The following MRPS9 variants were observed in gnomAD, a reference collection of about 807,000 sequenced individuals.
MRPS9 encodes mitochondrial ribosomal protein S9.
A neutral mutation model predicts 59.9 loss-of-function variants in MRPS9; 45 were observed. That is an observed-to-expected ratio of 0.75 (90% CI 0.59 to 0.96). The LOEUF (loss-of-function observed/expected upper bound fraction) is 0.96, where lower values mean the gene tolerates loss of function less well. MRPS9 is among the 40% of genes least tolerant of loss of function. The probability of loss-of-function intolerance (pLI) is 0.00; values close to 1 mark genes in which losing one functional copy is unlikely to be tolerated. For missense variants in MRPS9, 473 were observed against 481.1 expected (o/e 0.98, Z 0.16); for synonymous variants, 171 against 166.8 (o/e 1.03, Z -0.19).
At chr2:105,043,544 A>G (rs184220651) in intron 1 of MRPS9, among the ~76,000 whole-genome samples, 58 of 152,292 alleles carry the variant, frequency 3.8e-4, no homozygotes, top group Admixed American at 3.0e-3. Context: ...TTGAACCTGC[A>G]TGGATAACTT....
intron 4 of MRPS9, among the ~76,000 whole-genome samples, chr2:105,079,461 G>A (rs1446031129): frequency 6.6e-6 from 1 of 152,028 alleles, no homozygotes; most frequent in Non-Finnish European, 1.5e-5. Flanking sequence ...ACCTTTTTGA[G>A]GCTTTTCTGT....
In MRPS9 at chr2:105,071,305, A is replaced by AT. The variant is rs1386088956; in HGVS notation, c.316-4dup. ...CAGTTGTTAACTAACCTTTGTGTAT[A>AT]TTTTCAGAGAGCTATTGCTTACCTT... On this transcript the variant is annotated splice_polypyrimidine_tract_variant and splice_region_variant and intron_variant, in intron 2 of 10. Transcript: ENST00000258455. 1 of 1,608,454 alleles carries AT rather than the reference A, an allele frequency of 6.2e-7. No homozygotes were observed.
intron 9 of MRPS9, among the ~76,000 whole-genome samples, chr2:105,095,903 C>A (rs761704267): frequency 3.5e-4 from 52 of 150,072 alleles, no homozygotes; most frequent in Non-Finnish European, 6.1e-4. Context: ...AGCTGCTGGG[C>A]TCAAGCAGTC....
chr2:105,058,161 G>A (rs1381873137), intron 2 of MRPS9, among the ~76,000 whole-genome samples: 1 of 152,174 alleles, frequency 6.6e-6, no homozygotes, highest in Non-Finnish European at 1.5e-5. Context: ...GTTAGGACAG[G>A]CATGTCTAAG....
At chr2:105,038,516 G>A in intron 1 of MRPS9, 2 of 415,570 alleles carry the variant, frequency 4.8e-6, no homozygotes, top group Non-Finnish European at 9.0e-6. Flanking sequence ...AAGGGTCGGT[G>A]CCTAGGTCTG....
chr2:105,092,455 G>T lies in MRPS9; in HGVS notation c.706G>T (p.Ala236Ser), dbSNP rs752945200. ...GTTATTGACATCGCAGTGTGGTGCT[G>T]CTGAGGAAGAATTTGTGCAGAGGTT... ...EKLLTSQCGA[A>S]EEEFVQRFRR... The change falls in exon 8 of 11, where the codon GCT becomes TCT. Residue 236 changes from alanine (A) to serine (S), a missense_variant. By Grantham distance (99) the Ala-to-Ser change is moderately conservative. Transcript: ENST00000258455. The T allele has an allele frequency of 1.9e-6, 3 of 1,613,792 alleles. No homozygotes were observed. Among genetic ancestry groups the T allele is most frequent in the Non-Finnish European group, 2.5e-6 (3 of 1,179,918 alleles).
intron 2 of MRPS9, among the ~76,000 whole-genome samples, 198 bp downstream of exon 2, chr2:105,049,548 G>A (rs930840150): frequency 6.6e-6 from 1 of 152,172 alleles, no homozygotes; most frequent in East Asian, 1.9e-4. Context: ...TGAGTTTTAG[G>A]TGTTACCTAG....
At chr2:105,048,238 A>T (rs1679633085) in intron 1 of MRPS9, among the ~76,000 whole-genome samples, 1 of 151,986 alleles carries the variant, frequency 6.6e-6, no homozygotes, top group South Asian at 2.1e-4. Flanking sequence ...CATTCTCAGT[A>T]AACTATTGCA....
chr2:105,054,129 G>C (rs73945018), intron 2 of MRPS9, among the ~76,000 whole-genome samples: 31,505 of 152,076 alleles, frequency 0.21, 3,347 homozygotes, highest in Middle Eastern at 0.35. Context: ...GCAAGTCAGG[G>C]CTCTCTGTCA....
Position 105,048,685 on chromosome 2 carries a change from G to T in MRPS9, c.136-486G>T, listed in dbSNP as rs188333657. Among the ~76,000 whole-genome samples the T allele has an allele frequency of 2.1e-4, 32 of 151,992 alleles. 1 individual carries two copies. In the East Asian group the frequency reaches 5.6e-3, roughly 27 times the overall value. On this transcript the variant is annotated intron_variant, in intron 1 of 10. Coordinates refer to ENST00000258455, the MANE Select transcript of MRPS9 (RefSeq NM_182640.3). ...GCCAAAAGATGGTTAAAGATAGGAC[G>T]TATTTTTACCCACAAATAAGGTGAA...
chr2:105,087,772 C>T (rs576864852), intron 5 of MRPS9, among the ~76,000 whole-genome samples: 2 of 142,646 alleles, frequency 1.4e-5, no homozygotes, highest in East Asian at 2.0e-4. Flanking sequence ...GTCTGTACTT[C>T]GTCCCTCCCT....
intron 2 of MRPS9, among the ~76,000 whole-genome samples, chr2:105,061,100 ACT>A (rs1225449234): frequency 6.7e-5 from 7 of 105,044 alleles, no homozygotes; most frequent in Admixed American, 5.5e-4. Flanking sequence ...ACAGAGCAGG[ACT>A]CTGTCTCAAA....
In MRPS9 at chr2:105,038,190, C is replaced by T. The variant is rs778013991; in HGVS notation, c.98C>T (p.Thr33Ile). ...GCCCGGAAGCAAGGCCTCTGGAAAACCGCGGCCCCTGAGTTGCAAACAAAT... is the reference window on the plus strand; with the variant it reads ...GCCCGGAAGCAAGGCCTCTGGAAAATCGCGGCCCCTGAGTTGCAAACAAAT... ...SLARKQGLWK[T>I]AAPELQTNVR... The change falls in exon 1 of 11, where the codon ACC becomes ATC. Residue 33 changes from threonine to isoleucine, a missense_variant. Thr to Ile is a moderately conservative substitution (Grantham distance 89). Coordinates refer to ENST00000258455, the MANE Select transcript of MRPS9 (RefSeq NM_182640.3). The T allele has an allele frequency of 2.2e-5, 35 of 1,613,178 alleles. No homozygotes were observed. The highest frequency in any genetic ancestry group is 3.3e-5 in the Admixed American group (2 of 59,864).
chr2:105,050,828 A>G (rs983356466), intron 2 of MRPS9, among the ~76,000 whole-genome samples: 8 of 152,202 alleles, frequency 5.3e-5, no homozygotes, highest in Admixed American at 4.6e-4. Context: ...GGACTTTCAT[A>G]TAAGTAGAGT....
chr2:105,058,905 C>G (rs1679844021), intron 2 of MRPS9, among the ~76,000 whole-genome samples: 1 of 152,050 alleles, frequency 6.6e-6, no homozygotes, highest in Non-Finnish European at 1.5e-5. Context: ...GTCTCGAACC[C>G]CTGACCTTGT....
At chr2:105,076,427 A>G (rs1032794169) in intron 4 of MRPS9, among the ~76,000 whole-genome samples, 2 of 152,232 alleles carry the variant, frequency 1.3e-5, no homozygotes, top group Non-Finnish European at 2.9e-5. Flanking sequence ...GTATTTTGGC[A>G]GACAAGAACT....
intron 5 of MRPS9, among the ~76,000 whole-genome samples, chr2:105,080,461 A>G (rs1332279556): frequency 1.3e-5 from 2 of 152,138 alleles, no homozygotes. Flanking sequence ...GTTGTTTTAT[A>G]TATATATAAT....
At chr2:105,095,788 C>T (rs1227020708) in intron 9 of MRPS9, among the ~76,000 whole-genome samples, 1 of 151,834 alleles carries the variant, frequency 6.6e-6, no homozygotes, top group Non-Finnish European at 1.5e-5. Context: ...TGAGCCACTG[C>T]GCCCAGCCTA....
At chr2:105,091,464 G>C in intron 7 of MRPS9, 1 of 448,190 alleles carries the variant, frequency 2.2e-6, no homozygotes, top group Admixed American at 2.5e-5. Context: ...TACTAGAAGA[G>C]TGCCTTCTCT....
Sources: gnomAD v4.1 joint callset for allele counts (sites outside exome capture counted in the v4.1 genomes callset) on GRCh38, gnomAD v4.1.1 for gene constraint, MANE v1.5 for transcripts, NCBI Gene and HGNC (gene_info 2026-07-23, HGNC 2026-07-21) for gene names.